COL14A1: variants seen among roughly 807,000 people sequenced by gnomAD.
The protein encoded by COL14A1 is collagen alpha-1(XIV) chain.
A neutral mutation model predicts 230.3 loss-of-function variants in COL14A1; 136 were observed. That is an observed-to-expected ratio of 0.59 (90% CI 0.51 to 0.68). The LOEUF is 0.68. Among genes scored for constraint, COL14A1 ranks in the 30% least tolerant of loss-of-function variants. The pLI is 0.00. For synonymous variants in COL14A1, 792 were observed against 784.1 expected (o/e 1.01, Z -0.17); for missense variants, 1,976 against 2,215.8 (o/e 0.89, Z 2.17).
chr8:120,254,318 C>A (rs1819070272), intron 22 of COL14A1, among the ~76,000 whole-genome samples: 1 of 152,116 alleles, frequency 6.6e-6, no homozygotes, highest in South Asian at 2.1e-4. Context: ...TTGCATATCA[C>A]AATGTCTAAG....
chr8:120,158,484 TTC>T (rs1255666912), intron 3 of COL14A1, among the ~76,000 whole-genome samples: 4 of 152,234 alleles, frequency 2.6e-5, no homozygotes, highest in African/African-American at 9.6e-5. Context: ...AAGTTTTATT[TTC>T]TCTGTTTAGT....
chr8:120,234,984 T>A (rs1182873790), intron 19 of COL14A1, among the ~76,000 whole-genome samples: 1 of 152,222 alleles, frequency 6.6e-6, no homozygotes, highest in Non-Finnish European at 1.5e-5. Flanking sequence ...ACTGCCTCAA[T>A]TTCAGAACTT....
chr8:120,190,534 G>T (rs1401764579), intron 5 of COL14A1, among the ~76,000 whole-genome samples: 1 of 152,002 alleles, frequency 6.6e-6, no homozygotes, highest in Non-Finnish European at 1.5e-5. Context: ...CATTGCTTTT[G>T]GTGTTTTAGA....
intron 19 of COL14A1, among the ~76,000 whole-genome samples, chr8:120,235,452 C>T (rs1818411563): frequency 6.6e-6 from 1 of 152,076 alleles, no homozygotes; most frequent in African/African-American, 2.4e-5. Context: ...TACAGGCATG[C>T]ACCACCCCTG....
At chr8:120,149,886 G>T (rs1041596752) in intron 2 of COL14A1, among the ~76,000 whole-genome samples, 3 of 151,978 alleles carry the variant, frequency 2.0e-5, no homozygotes, top group African/African-American at 7.2e-5. Context: ...TAGAGAGGGG[G>T]TTTCACCATG....
chr8:120,369,858 T>A (rs998236681), intron 47 of COL14A1, among the ~76,000 whole-genome samples: 1 of 152,164 alleles, frequency 6.6e-6, no homozygotes, highest in Admixed American at 6.5e-5. Context: ...AGACGTCCCA[T>A]AAAATTTTAC....
At chr8:120,180,664 T>A (rs1211532412) in intron 5 of COL14A1, among the ~76,000 whole-genome samples, 1 of 148,516 alleles carries the variant, frequency 6.7e-6, no homozygotes, top group Non-Finnish European at 1.5e-5. Flanking sequence ...CAGAATTACA[T>A]AATAGTGAGC....
At chr8:120,245,061 C>A (rs561928552) in intron 20 of COL14A1, among the ~76,000 whole-genome samples, 59 of 152,296 alleles carry the variant, frequency 3.9e-4, no homozygotes, top group African/African-American at 1.2e-3. Flanking sequence ...CATGCCCTAG[C>A]GATTCCTTCT....
At chr8:120,170,618 C>T (rs377114986) in intron 5 of COL14A1, among the ~76,000 whole-genome samples, 11 of 151,948 alleles carry the variant, frequency 7.2e-5, no homozygotes, top group African/African-American at 2.7e-4. Context: ...TTTAATTTCC[C>T]TCGATGGTAT....
At chr8:120,207,921 A>G (rs903725050) in intron 10 of COL14A1, among the ~76,000 whole-genome samples, 2 of 152,096 alleles carry the variant, frequency 1.3e-5, no homozygotes, top group Non-Finnish European at 2.9e-5. Flanking sequence ...ATGTTTCCCA[A>G]AGCTCTATGG....
At chr8:120,209,021 A>T (rs1216087479) in intron 11 of COL14A1, among the ~76,000 whole-genome samples, 1 of 152,178 alleles carries the variant, frequency 6.6e-6, no homozygotes, top group East Asian at 1.9e-4. Flanking sequence ...AACAGTGTAA[A>T]CAACACTAAT....
chr8:120,317,599 T>A (rs1183373304), intron 40 of COL14A1, among the ~76,000 whole-genome samples: 8 of 152,228 alleles, frequency 5.3e-5, no homozygotes, highest in Non-Finnish European at 1.2e-4. Context: ...TTCCTGAAGT[T>A]CTGAAAATGG....
chr8:120,210,305 A>G (rs1368171361), intron 12 of COL14A1, among the ~76,000 whole-genome samples: 1 of 152,200 alleles, frequency 6.6e-6, no homozygotes, highest in Non-Finnish European at 1.5e-5. Flanking sequence ...GAATATTCCT[A>G]ACATATGTTT....
At chr8:120,143,128 T>C (rs962261389) in intron 1 of COL14A1, among the ~76,000 whole-genome samples, 1 of 152,004 alleles carries the variant, frequency 6.6e-6, no homozygotes, top group Non-Finnish European at 1.5e-5. Flanking sequence ...CTTGATACAG[T>C]TTTTCCTTCA....
chr8:120,333,815 C>T (rs545647788), intron 42 of COL14A1, among the ~76,000 whole-genome samples: 3 of 152,336 alleles, frequency 2.0e-5, no homozygotes, highest in African/African-American at 7.2e-5. Flanking sequence ...CCACCTGCAT[C>T]TTCAAAGCCA....
Position 120,228,718 on chromosome 8 carries a change from T to C in COL14A1, c.2146T>C (p.Phe716Leu). ...VTAVGTTLDS[F>L]WTEPATTIVP... ...TAATATATTGCTTTTAGTTGACAGT[T>C]TTTGGACAGAACCAGCTACAACCAT... The change falls in exon 18 of 48, where the codon TTT (phenylalanine) becomes CTT (leucine). Residue 716 changes from phenylalanine to leucine, a missense_variant. Around this residue, in one of 3 missense-constraint regions of COL14A1, gnomAD observed 1,791 missense variants for 2,019.5 expected, o/e 0.89. Coordinates refer to ENST00000297848, the MANE Select transcript of COL14A1 (RefSeq NM_021110.4). 6.2e-7 allele frequency: 1 copy of C among 1,613,788 alleles called. No individual in the cohort carries two copies. The highest frequency in any genetic ancestry group is 8.5e-7 in the Non-Finnish European group (1 of 1,179,760).
At chr8:120,206,544 T>C (rs1028777232) in intron 9 of COL14A1, among the ~76,000 whole-genome samples, 3 of 152,232 alleles carry the variant, frequency 2.0e-5, no homozygotes, top group Admixed American at 2.0e-4. Flanking sequence ...AGACGGGGTT[T>C]TGCCATGTTG....
chr8:120,331,716 C>G (rs57892438), intron 40 of COL14A1, among the ~76,000 whole-genome samples: 2,682 of 152,198 alleles, frequency 0.018, 73 homozygotes, highest in African/African-American at 0.06. Flanking sequence ...GCAGACTTTC[C>G]GATATTGTAG....
intron 2 of COL14A1, among the ~76,000 whole-genome samples, chr8:120,151,511 GCGCCTGTAGTCC>G (rs1563637527): frequency 1.6e-4 from 25 of 151,672 alleles, no homozygotes; most frequent in Non-Finnish European, 3.4e-4. Context: ...ATGATGGTGC[GCGCCTGTAGTCC>G]CAGCTGCTCA....
Sources: allele counts gnomAD v4.1 joint callset (sites outside exome capture counted in the v4.1 genomes callset), GRCh38; gene constraint gnomAD v4.1.1; regional missense constraint gnomAD v4.1.1; transcripts MANE v1.5; gene names NCBI Gene and HGNC (gene_info 2026-07-23, HGNC 2026-07-21).